Variants in NFATC2 observed in about 807,000 individuals in gnomAD.
NFATC2 encodes the protein nuclear factor of activated T-cells, cytoplasmic 2.
Under a neutral mutation model 87.3 loss-of-function variants are expected in NFATC2, and 22 were observed. That is an observed-to-expected ratio of 0.25 (90% CI 0.18 to 0.36). The LOEUF (loss-of-function observed/expected upper bound fraction) is 0.36, where lower values mean the gene tolerates loss of function less well. Among genes scored for constraint, NFATC2 ranks in the 10% least tolerant of loss-of-function variants. The pLI is 1.00. For synonymous variants in NFATC2, 565 were observed against 542.2 expected (o/e 1.04, Z -0.58); for missense variants, 1,149 against 1,259.1 (o/e 0.91, Z 1.32).
In NFATC2 at chr20:51,387,255, A is replaced by G. The variant is rs199715535; in HGVS notation, c.*4241T>C. On this transcript the variant is annotated 3_prime_UTR_variant, in exon 11 of 11. Coordinates refer to ENST00000371564, the MANE Select transcript of NFATC2 (RefSeq NM_012340.5). ...TGTCCAGGATGCTAAGCTTGTCCCA[A>G]CAGCCATAGCCTCGGTCTGCTCAGG... 1 of 152,186 alleles carries G rather than the reference A, an allele frequency of 6.6e-6. No individual in the cohort carries two copies. Among genetic ancestry groups the G allele is most frequent in the Non-Finnish European group, 1.5e-5 (1 of 68,048 alleles). The allele number at this position is 152,186 out of a possible 1,614,324, so 9.4% of individuals were successfully genotyped here. A position where few individuals can be genotyped will look rare whatever the true frequency, so the allele number is the denominator to read the frequency against.
At chr20:51,401,214 A>G (rs1406103780) in intron 9 of NFATC2, among the ~76,000 whole-genome samples, 2 of 150,944 alleles carry the variant, frequency 1.3e-5, no homozygotes, top group African/African-American at 5.0e-5. Flanking sequence ...TACTAAAAAT[A>G]CAAAAATTAG....
chr20:51,548,594 A>G (rs1011134158), intron 1 of NFATC2, among the ~76,000 whole-genome samples: 1 of 152,256 alleles, frequency 6.6e-6, no homozygotes, highest in Non-Finnish European at 1.5e-5. Context: ...TGTGGGACAG[A>G]CATAAACTAA....
At chr20:51,405,468 G>A (rs1318533537) in intron 9 of NFATC2, among the ~76,000 whole-genome samples, 3 of 152,122 alleles carry the variant, frequency 2.0e-5, no homozygotes, top group African/African-American at 7.2e-5. Flanking sequence ...AGGTCTGTTT[G>A]CATGTGCCAT....
At chr20:51,515,677 G>A (rs2076340048) in intron 3 of NFATC2, among the ~76,000 whole-genome samples, 1 of 131,450 alleles carries the variant, frequency 7.6e-6, no homozygotes. Flanking sequence ...TGGCTATGGT[G>A]TCTGATTTAA....
intron 3 of NFATC2, among the ~76,000 whole-genome samples, chr20:51,489,663 G>C (rs189328897): frequency 6.6e-6 from 1 of 152,106 alleles, no homozygotes; most frequent in Non-Finnish European, 1.5e-5. Flanking sequence ...TACGTGCACC[G>C]GCCTGCTTTA....
chr20:51,400,338 C>T (rs1371973924), intron 9 of NFATC2, among the ~76,000 whole-genome samples: 2 of 152,148 alleles, frequency 1.3e-5, no homozygotes, highest in Non-Finnish European at 2.9e-5. Flanking sequence ...TGAAGTCACA[C>T]CCTTGGAGGA....
intron 5 of NFATC2, among the ~76,000 whole-genome samples, chr20:51,465,254 C>T (rs1987562665): frequency 6.6e-6 from 1 of 152,064 alleles, no homozygotes. Context: ...CAGGTGGCCT[C>T]CTGTAGTCCC....
At chr20:51,504,321 A>T (rs547072929) in intron 3 of NFATC2, among the ~76,000 whole-genome samples, 7 of 152,194 alleles carry the variant, frequency 4.6e-5, no homozygotes, top group Admixed American at 2.6e-4. Context: ...TTTTCAGTAG[A>T]GCCGGGGTTT....
At chr20:51,429,189 TGCA>T (rs1208358048) in intron 9 of NFATC2, among the ~76,000 whole-genome samples, 2 of 152,216 alleles carry the variant, frequency 1.3e-5, no homozygotes, top group Non-Finnish European at 2.9e-5. Flanking sequence ...AATTTGAAAT[TGCA>T]GCAGTTCAGA....
At chr20:51,526,547 A>G (rs983380751) in intron 1 of NFATC2, among the ~76,000 whole-genome samples, 1 of 152,116 alleles carries the variant, frequency 6.6e-6, no homozygotes, top group Non-Finnish European at 1.5e-5. Context: ...AAGCCCCCAT[A>G]AACATTTGCC....
chr20:51,562,592 TGG>T lies in NFATC2; in HGVS notation c.36_37del (p.Cys12Ter), dbSNP rs1286405448. The stretch of plus-strand genomic sequence containing the variant: ...CACAGACCCCATGATGCGGAGGGGA[TGG>T]CAGTGCCCCAGTCTGAACGCAGCCT... On this transcript the variant is annotated stop_gained and frameshift_variant, in exon 1 of 11. Transcript: ENST00000414705. LOFTEE classifies it high-confidence loss of function. This position sits in a 1 kb window ranked among gnomAD's most constrained non-coding sequence, Gnocchi z 5.8. The T allele has an allele frequency of 6.4e-7, 1 of 1,551,338 alleles. No individual in the cohort carries two copies.
intron 3 of NFATC2, among the ~76,000 whole-genome samples, chr20:51,485,690 G>A (rs182206221): frequency 0.013 from 2,034 of 152,216 alleles, 20 homozygotes; most frequent in Non-Finnish European, 0.019. Context: ...GTCATGGCGG[G>A]AAAGTTACTT....
chr20:51,439,899 G>A (rs1028369581), intron 6 of NFATC2, among the ~76,000 whole-genome samples: 2 of 152,122 alleles, frequency 1.3e-5, no homozygotes, highest in South Asian at 4.1e-4. Context: ...TTATGGGGTC[G>A]TTCTGAAGAT....
intron 9 of NFATC2, among the ~76,000 whole-genome samples, chr20:51,409,579 C>G (rs1485921634): frequency 1.3e-5 from 2 of 152,188 alleles, no homozygotes; most frequent in African/African-American, 4.8e-5. Context: ...GAGATGAGCC[C>G]ACCAGACCCA....
rs1406987942 is a variant in NFATC2 at position 51,391,073 on chromosome 20, ACT to A, written c.*421_*422del. 2.1e-6 allele frequency: 1 copy of A among 466,940 alleles called. No homozygotes were observed. Among genetic ancestry groups the A allele is most frequent in the Non-Finnish European group, 4.0e-6 (1 of 248,224 alleles). 28.9% of individuals were successfully genotyped at this position (466,940 alleles called of 1,614,324 possible). A position where few individuals can be genotyped will look rare whatever the true frequency, so the allele number is the denominator to read the frequency against. ...CCGTCCATCCCCCCAAGCTCCAGTC[ACT>A]CTGTTCTCAGGAGAGTTCCAGTGTC... On this transcript the variant is annotated 3_prime_UTR_variant, in exon 11 of 11. Transcript: ENST00000371564.
intron 10 of NFATC2, among the ~76,000 whole-genome samples, chr20:51,392,356 G>C (rs1986457829): frequency 6.6e-6 from 1 of 152,154 alleles, no homozygotes; most frequent in Non-Finnish European, 1.5e-5. Context: ...TCCTAGCAGG[G>C]AACCAAGAGC....
intron 5 of NFATC2, among the ~76,000 whole-genome samples, chr20:51,464,272 C>T (rs556651974): frequency 1.3e-5 from 2 of 152,358 alleles, no homozygotes; most frequent in South Asian, 2.1e-4. Flanking sequence ...TTGAGTTACC[C>T]TGTGGGATCA....
chr20:51,450,179 C>T (rs1333554039), intron 6 of NFATC2, among the ~76,000 whole-genome samples: 2 of 152,122 alleles, frequency 1.3e-5, no homozygotes, highest in Admixed American at 6.6e-5. Context: ...GGTGAAGTAA[C>T]TTACTCAGAA....
intron 3 of NFATC2, among the ~76,000 whole-genome samples, chr20:51,495,177 T>C (rs1043723800): frequency 6.6e-6 from 1 of 152,152 alleles, no homozygotes; most frequent in African/African-American, 2.4e-5. Flanking sequence ...CTCCGCCTCC[T>C]GTTCTCAAGC....
Sources: allele counts gnomAD v4.1 joint callset (sites outside exome capture counted in the v4.1 genomes callset), GRCh38; gene constraint gnomAD v4.1.1; non-coding constraint Gnocchi (gnomAD v3.1); transcripts MANE v1.5; gene names NCBI Gene and HGNC (gene_info 2026-07-23, HGNC 2026-07-21).